Variants in CCDC24 observed in about 807,000 individuals in gnomAD.
CCDC24 encodes the protein coiled-coil domain-containing protein 24.
A neutral mutation model predicts 31.6 loss-of-function variants in CCDC24; 34 were observed. That is an observed-to-expected ratio of 1.08 (90% CI 0.82 to 1.43). The LOEUF (loss-of-function observed/expected upper bound fraction) is 1.43. CCDC24 is among the 40% of genes most tolerant of loss of function. The probability of loss-of-function intolerance (pLI) is 0.00; values close to 1 mark genes in which losing one functional copy is unlikely to be tolerated. For missense variants in CCDC24, 426 were observed against 391.1 expected (o/e 1.09, Z -0.75); for synonymous variants, 175 against 157.3 (o/e 1.11, Z -0.84).
Position 43,991,760 on chromosome 1 carries a change from G to T in CCDC24, c.-33+14G>T. 7.6e-7 allele frequency: 1 copy of T among 1,323,600 alleles called. No homozygotes were observed. 82.0% of individuals were successfully genotyped at this position (1,323,600 alleles called of 1,614,324 possible). A position where few individuals can be genotyped will look rare whatever the true frequency, so the allele number is the denominator to read the frequency against. On this transcript the variant is annotated intron_variant, in intron 1 of 8. Transcript: ENST00000372318. ...GGCAGAGCACGGGTGGGGCTTGGGA[G>T]AGGGCGGGGCCCATAGAGGGGCGGG...
At chr1:43,992,952 G>A (rs895447757) in intron 4 of CCDC24, among the ~76,000 whole-genome samples, 2 of 152,238 alleles carry the variant, frequency 1.3e-5, no homozygotes, top group African/African-American at 4.8e-5. Context: ...TGTCCAGCAG[G>A]CGGTTGTTCC....
At position 43,995,164 on chromosome 1, in the gene CCDC24, T is replaced by C; in HGVS notation, c.552+2T>C. 2 of 1,567,146 alleles carry C rather than the reference T, an allele frequency of 1.3e-6. No homozygotes were observed. Among genetic ancestry groups the C allele is most frequent in the Non-Finnish European group, 1.7e-6 (2 of 1,156,808 alleles). On this transcript the variant is annotated splice_donor_variant, in intron 6 of 8. Transcript: ENST00000372318. LOFTEE classifies it high-confidence loss of function. The surrounding 1 kb of genome is among the most constrained non-coding windows in gnomAD (Gnocchi z 4.3). Reference sequence around the variant, plus strand: ...GAGAGGGAGATCCTCATCCTGCAGGTGAGCCGCAGCCCTGGGCCCTCCCCC... The same window carrying C: ...GAGAGGGAGATCCTCATCCTGCAGGCGAGCCGCAGCCCTGGGCCCTCCCCC...
intron 4 of CCDC24, among the ~76,000 whole-genome samples, chr1:43,992,878 G>C (rs1442020717): frequency 6.6e-6 from 1 of 152,240 alleles, no homozygotes; most frequent in Non-Finnish European, 1.5e-5. Flanking sequence ...GTTGTAGTAT[G>C]AGGAGCAGTT....
At chr1:43,994,967 A>G (rs75862497) in intron 5 of CCDC24, 141 bp from the exon 6 acceptor site, 26,869 of 705,812 alleles carry the variant, frequency 0.038, 610 homozygotes, top group Non-Finnish European at 0.049. Flanking sequence ...TCAGCCCCCA[A>G]GCAGCAGAGG....
At position 43,996,008 on chromosome 1, in the gene CCDC24, C is replaced by T. The variant is rs933221271; in HGVS notation, c.772C>T (p.Gln258Ter). ...TCCCCTCTGCGGGGTTGCACCTCTC[C>T]AGTGCTGCCTGCCTGCACCTCCTCT... ...PLPLCGVAPL[Q>*]CCLPAPPLEP... The change falls in exon 9 of 9, where the codon CAG (glutamine) becomes TAG (stop). Residue 258 changes from glutamine to a stop codon, truncating the protein, a stop_gained. Transcript: ENST00000372318. LOFTEE classifies it low-confidence loss of function (END_TRUNC). 1 of 1,614,206 alleles carries T rather than the reference C, an allele frequency of 6.2e-7. No homozygotes were observed.
At position 43,991,640 on chromosome 1, in the gene CCDC24, G is replaced by T; in HGVS notation, c.-139G>T. 1 of 709,436 alleles carries T rather than the reference G, an allele frequency of 1.4e-6. No individual in the cohort carries two copies. The highest frequency in any genetic ancestry group is 2.6e-6 in the Non-Finnish European group (1 of 391,408). The allele number at this position is 709,436 out of a possible 1,614,324, so 43.9% of individuals were successfully genotyped here. A position where few individuals can be genotyped will look rare whatever the true frequency, so the allele number is the denominator to read the frequency against. On this transcript the variant is annotated 5_prime_UTR_variant, in exon 1 of 9. Transcript: ENST00000372318. ...CCCTGGTTCCCACTGCCTGGTTTCT[G>T]GGCCCCCGGCATCCGAGTCGGCCAA...
Position 43,991,856 on chromosome 1 carries a change from G to A in CCDC24, c.-23G>A. 1 of 1,548,754 alleles carries A rather than the reference G, an allele frequency of 6.5e-7. No individual in the cohort carries two copies. Among genetic ancestry groups the A allele is most frequent in the Non-Finnish European group, 8.7e-7 (1 of 1,145,768 alleles). On this transcript the variant is annotated 5_prime_UTR_variant, in exon 2 of 9. Transcript: ENST00000372318. Reference sequence around the variant, plus strand: ...GACCTGCGGCCCGTAGGTCCGAGCCGGGGACGGCGGCGTCGGTGGGTCATG... The same window carrying A: ...GACCTGCGGCCCGTAGGTCCGAGCCAGGGACGGCGGCGTCGGTGGGTCATG...
At position 43,996,018 on chromosome 1, in the gene CCDC24, T is replaced by G; in HGVS notation, c.782T>G (p.Leu261Arg). 1 of 1,614,164 alleles carries G rather than the reference T, an allele frequency of 6.2e-7. No individual in the cohort carries two copies. Among genetic ancestry groups the G allele is most frequent in the Non-Finnish European group, 8.5e-7 (1 of 1,180,044 alleles). Residue 261 changes from leucine to arginine, a missense_variant, in exon 9 of 9, where the codon CTG (leucine) becomes CGG (arginine). Coordinates refer to ENST00000372318, the MANE Select transcript of CCDC24 (RefSeq NM_152499.4). ...LCGVAPLQCC[L>R]PAPPLEPYLR... is the part of the protein sequence containing the mutation. ...GGGGTTGCACCTCTCCAGTGCTGCC[T>G]GCCTGCACCTCCTCTGGAGCCCTAC...
At position 43,991,918 on chromosome 1, in the gene CCDC24, G is replaced by A. The variant is rs2085751112; in HGVS notation, c.40G>A (p.Glu14Lys). Residue 14 changes from glutamate (E) to lysine (K), a missense_variant, in exon 2 of 9, where the codon GAG (glutamate) becomes AAG (lysine). Transcript: ENST00000372318. ...CCCCTCGCTGTGGGAGCTGGTGGAGGAGCACGTTCCGCTCCGGGAGCGACG... is the reference window on the plus strand; with the variant it reads ...CCCCTCGCTGTGGGAGCTGGTGGAGAAGCACGTTCCGCTCCGGGAGCGACG... Reference protein sequence around the residue: ...HSPSLWELVEEHVPLRERREV... With the variant: ...HSPSLWELVEKHVPLRERREV... 1.9e-6 allele frequency: 3 copies of A among 1,548,822 alleles called. No individual in the cohort carries two copies. Among genetic ancestry groups the A allele is most frequent in the Non-Finnish European group, 1.7e-6 (2 of 1,145,080 alleles).
chr1:43,991,730 C>A lies in CCDC24; in HGVS notation c.-49C>A. ...GAACGGGCAATCCCAGCCGAGGGGACCAGCGGCAGAGCACGGGTGGGGCTT... is the reference window on the plus strand; with the variant it reads ...GAACGGGCAATCCCAGCCGAGGGGAACAGCGGCAGAGCACGGGTGGGGCTT... On this transcript the variant is annotated 5_prime_UTR_variant, in exon 1 of 9. Coordinates refer to ENST00000372318, the MANE Select transcript of CCDC24 (RefSeq NM_152499.4). The A allele has an allele frequency of 9.6e-7, 1 of 1,043,232 alleles. No individual in the cohort carries two copies. Among genetic ancestry groups the A allele is most frequent in the Non-Finnish European group, 1.4e-6 (1 of 696,748 alleles). 64.6% of individuals were successfully genotyped at this position (1,043,232 alleles called of 1,614,324 possible). A position where few individuals can be genotyped will look rare whatever the true frequency, so the allele number is the denominator to read the frequency against.
rs1384001447 is a variant in CCDC24, at chr1:43,995,513, C to T, written c.553-88C>T. 7.3e-6 allele frequency: 10 copies of T among 1,377,112 alleles called. No homozygotes were observed. In the East Asian group the frequency reaches 7.5e-5, roughly 10 times the overall value. The allele number at this position is 1,377,112 out of a possible 1,614,324, so 85.3% of individuals were successfully genotyped here. A position where few individuals can be genotyped will look rare whatever the true frequency, so the allele number is the denominator to read the frequency against. ...CGGTGGATGGGCTGAAGGGGCTGCA[C>T]GGGCCTGCCCTGGGGATCTTGGCCT... On this transcript the variant is annotated intron_variant, in intron 6 of 8. Coordinates refer to ENST00000372318, the MANE Select transcript of CCDC24 (RefSeq NM_152499.4). This position sits in a 1 kb window ranked among gnomAD's most constrained non-coding sequence, Gnocchi z 4.3.
intron 2 of CCDC24, 98 bp downstream of exon 2, chr1:43,992,102 G>T: frequency 4.6e-6 from 7 of 1,509,268 alleles, no homozygotes; most frequent in Non-Finnish European, 4.5e-6. Context: ...TAACTCCCGA[G>T]ATCCTATCCT....
Position 43,993,944 on chromosome 1 carries a change from C to T in CCDC24, c.477C>T (p.Asp159=), listed in dbSNP as rs147650407. 2,497 of 1,614,134 alleles carry T rather than the reference C, an allele frequency of 1.5e-3. 31 individuals carry two copies. In the African/African-American group the frequency reaches 0.027, roughly 18 times the overall value. The change falls in exon 5 of 9, where the codon GAC becomes GAT. Residue 159 remains aspartate, a synonymous_variant. Transcript: ENST00000372318. The part of the protein sequence containing the change: ...IKDQLNVSNI[D]QVARHLRGLL... ...ACCAACTGAACGTGTCCAACATTGA[C>T]CAGGTGGCCAGACACCTGAGGTGAG... is the stretch of plus-strand genomic sequence containing the variant.
rs150432981 is a variant in CCDC24, at chr1:43,995,813, C to A, written c.658C>A (p.Leu220Met). 1.7e-4 allele frequency: 274 copies of A among 1,614,230 alleles called. 1 individual carries two copies. In the African/African-American group the frequency reaches 3.1e-3, roughly 18 times the overall value. Residue 220 changes from leucine (L) to methionine (M), a missense_variant, in exon 8 of 9, where the codon CTG (leucine) becomes ATG (methionine). Leu to Met is a conservative substitution (Grantham distance 15). Coordinates refer to ENST00000372318, the MANE Select transcript of CCDC24 (RefSeq NM_152499.4). This position sits in a 1 kb window ranked among gnomAD's most constrained non-coding sequence, Gnocchi z 4.3. ...ACAGAAGAAGGCCATGGAGCAGGAGCTGCAGGCATCTGTGGGGCCTTCTTG... is the reference window on the plus strand; with the variant it reads ...ACAGAAGAAGGCCATGGAGCAGGAGATGCAGGCATCTGTGGGGCCTTCTTG... Reference protein sequence around the residue: ...KEQKKAMEQELQASVGPSCVS... With the variant: ...KEQKKAMEQEMQASVGPSCVS...
rs1467082014 is a variant in CCDC24 at position 43,992,532 on chromosome 1, C to T, written c.312C>T (p.Ala104=). 6.2e-7 allele frequency: 1 copy of T among 1,614,056 alleles called. No homozygotes were observed. Among genetic ancestry groups the T allele is most frequent in the Non-Finnish European group, 8.5e-7 (1 of 1,180,028 alleles). ...HKAICEGRDQ[A]QAWVQYSPRV... is the part of the protein sequence containing the mutation. The stretch of plus-strand genomic sequence containing the variant: ...TGTGCACCTTCTGCAGGGACCAGGC[C>T]CAAGCTTGGGTCCAGTATAGCCCCA... The change falls in exon 4 of 9, where the codon GCC becomes GCT. Residue 104 remains alanine (A), a synonymous_variant. Transcript: ENST00000372318.
Position 43,996,315 on chromosome 1 carries a change from C to G in CCDC24, c.*155C>G, listed in dbSNP as rs2085858159. The G allele has an allele frequency of 1.5e-6, 1 of 668,284 alleles. No homozygotes were observed. The highest frequency in any genetic ancestry group is 2.5e-6 in the Non-Finnish European group (1 of 406,226). The allele number at this position is 668,284 out of a possible 1,614,324, so 41.4% of individuals were successfully genotyped here. On this transcript the variant is annotated 3_prime_UTR_variant, in exon 9 of 9. Transcript: ENST00000372318. ...TGGTCTGTCTGGCCCTTGCCCCACC[C>G]CCTTGCCAGATCCCTGGTGTCTGGA...
intron 4 of CCDC24, among the ~76,000 whole-genome samples, chr1:43,993,641 T>A (rs2085782380): frequency 6.9e-6 from 1 of 145,214 alleles, no homozygotes; most frequent in African/African-American, 2.6e-5. Context: ...AGCACAATCT[T>A]GTCTCAAAAA....
Position 43,993,879 on chromosome 1 carries a change from A to AT in CCDC24, c.420-6dup. The AT allele has an allele frequency of 1.9e-6, 3 of 1,614,076 alleles. No homozygotes were observed. The South Asian group carries it at 3.3e-5, about 18-fold the overall frequency. ...ACATGCGGAGAGTGATAGTGACTTC[A>AT]TTGCCAGCAGCGGTCACAGAGATCT... On this transcript the variant is annotated splice_polypyrimidine_tract_variant and splice_region_variant and intron_variant, in intron 4 of 8. Transcript: ENST00000372318.
Position 43,995,222 on chromosome 1 carries a change from G to A in CCDC24, c.552+60G>A. ...ACTGCTGAGCGTAGACTCTCACCTG[G>A]GTGAGACCCATGTACCTGTGTGCAT... On this transcript the variant is annotated intron_variant, in intron 6 of 8. Coordinates refer to ENST00000372318, the MANE Select transcript of CCDC24 (RefSeq NM_152499.4). The surrounding 1 kb of genome is among the most constrained non-coding windows in gnomAD (Gnocchi z 4.3). 6.7e-7 allele frequency: 1 copy of A among 1,503,196 alleles called. No homozygotes were observed. 93.1% of individuals were successfully genotyped at this position (1,503,196 alleles called of 1,614,324 possible). A position where few individuals can be genotyped will look rare whatever the true frequency, so the allele number is the denominator to read the frequency against.
Sources: gnomAD v4.1 joint callset for allele counts (sites outside exome capture counted in the v4.1 genomes callset) on GRCh38, gnomAD v4.1.1 for gene constraint, Gnocchi (gnomAD v3.1) non-coding constraint, MANE v1.5 for transcripts, NCBI Gene and HGNC (gene_info 2026-07-23, HGNC 2026-07-21) for gene names.